Variants in COPB1 observed in about 807,000 individuals in gnomAD.
COPB1 encodes the protein coat protein complex I subunit beta 1.
In COPB1, 21 loss-of-function variants were observed where a neutral mutation model predicts 108.7. The ratio of observed to expected loss-of-function variants is 0.19; its 90% CI spans 0.14 to 0.28. COPB1 has a LOEUF of 0.28. COPB1 is among the 10% of genes least tolerant of loss of function. The pLI is 1.00. For synonymous variants in COPB1, 378 were observed against 386.8 expected, an observed-to-expected ratio of 0.98 and a Z score of 0.27; for missense variants, 919 against 1,141.3, an observed-to-expected ratio of 0.81 and a Z score of 2.81.
intron 4 of COPB1, among the ~76,000 whole-genome samples, chr11:14,492,995 A>G (rs1188244804): frequency 1.3e-5 from 2 of 151,976 alleles, no homozygotes; most frequent in Non-Finnish European, 2.9e-5. Context: ...AAAATACAAA[A>G]ATTGGCTGGG....
intron 8 of COPB1, among the ~76,000 whole-genome samples, chr11:14,481,536 T>C (rs760400427): frequency 1.3e-5 from 2 of 152,142 alleles, no homozygotes; most frequent in African/African-American, 2.4e-5. Flanking sequence ...ATACGATACA[T>C]GGTCACAAAA....
At chr11:14,470,185 T>A (rs553683990) in intron 14 of COPB1, among the ~76,000 whole-genome samples, 1 of 152,368 alleles carries the variant, frequency 6.6e-6, no homozygotes, top group Non-Finnish European at 1.5e-5. Flanking sequence ...TTATCCCTCT[T>A]AATCTAGACC....
chr11:14,466,509 A>G, intron 16 of COPB1, 83 bp from the exon 17 acceptor site: 4 of 1,408,738 alleles, frequency 2.8e-6, no homozygotes, highest in Admixed American at 3.9e-5. Flanking sequence ...TAAGTCTGGT[A>G]GGTTATTAAC....
chr11:14,483,219 G>A (rs921293055), intron 7 of COPB1, 68 bp from the exon 8 acceptor site: 13 of 1,037,134 alleles, frequency 1.3e-5, no homozygotes, highest in African/African-American at 9.3e-5. Context: ...ATAAGCATGC[G>A]CGCGCACACC....
intron 4 of COPB1, among the ~76,000 whole-genome samples, chr11:14,492,583 T>C (rs1273177012): frequency 6.6e-6 from 1 of 152,018 alleles, no homozygotes; most frequent in Non-Finnish European, 1.5e-5. Context: ...CCTCAGGTTA[T>C]CGGCCCGCCT....
chr11:14,490,775 T>G (rs1850880494), intron 4 of COPB1, 96 bp from the exon 5 acceptor site: 1 of 672,382 alleles, frequency 1.5e-6, no homozygotes, highest in Non-Finnish European at 2.5e-6. Context: ...TTAATCAAAC[T>G]TTACAACATA....
At position 14,483,144 on chromosome 11, in the gene COPB1, GC is replaced by G; in HGVS notation, c.844del (p.Ala282LeufsTer7). The G allele has an allele frequency of 6.5e-7, 1 of 1,543,106 alleles. No individual in the cohort carries two copies. Among genetic ancestry groups the G allele is most frequent in the Non-Finnish European group, 8.8e-7 (1 of 1,137,272 alleles). On this transcript the variant is annotated frameshift_variant, in exon 8 of 22. Transcript: ENST00000439561. LOFTEE classifies it high-confidence loss of function. ...AATAATTAAATCAATGTAACACTGA[GC>G]AGCAGCCTATATAAAAAAAGAAATA... ...SSAPTAIKAA[A>X]QCYIDLIIKE...
At chr11:14,470,944 A>ACACACT (rs1285522756) in intron 14 of COPB1, among the ~76,000 whole-genome samples, 1,588 of 89,932 alleles carry the variant, frequency 0.018, 10 homozygotes, top group Non-Finnish European at 0.023. Flanking sequence ...ACACACACAC[A>ACACACT]CTCTCTCTCT....
In COPB1 at chr11:14,464,605, A is replaced by AT. The variant is rs980798786; in HGVS notation, c.2410+305dup. The stretch of plus-strand genomic sequence containing the variant: ...TTATAAAGCCTTCCACACTGTTAGC[A>AT]TTTTTTTTTTCCCTAACCTCAAAGC... On this transcript the variant is annotated intron_variant, in intron 18 of 21. Coordinates refer to ENST00000439561, the MANE Select transcript of COPB1 (RefSeq NM_001144061.2). 1.1e-3 allele frequency among the ~76,000 whole-genome samples: 159 copies of AT among 149,838 alleles called. 1 individual carries two copies. Among genetic ancestry groups the AT allele is most frequent in the African/African-American group, 3.6e-3 (149 of 40,936 alleles).
chr11:14,469,428 G>A lies in COPB1; in HGVS notation c.1873C>T (p.Pro625Ser), dbSNP rs144780995. Residue 625 changes from proline (P) to serine (S), a missense_variant, in exon 15 of 22, where the codon CCT becomes TCT. Coordinates refer to ENST00000439561, the MANE Select transcript of COPB1 (RefSeq NM_001144061.2). ...TTATTGAAAATGTCATTCATTAAAGGTGAACATTCAGACAAGACCTTGAGG... is the reference window on the plus strand; with the variant it reads ...TTATTGAAAATGTCATTCATTAAAGATGAACATTCAGACAAGACCTTGAGG... ...LCLKVLSECS[P>S]LMNDIFNKEC... 9.9e-6 allele frequency: 16 copies of A among 1,614,018 alleles called. No individual in the cohort carries two copies. The highest frequency in any genetic ancestry group is 1.1e-5 in the Non-Finnish European group (13 of 1,180,008).
At chr11:14,458,770 T>TC (rs1300538135) in intron 20 of COPB1, 83 bp from the exon 21 acceptor site, 4 of 1,337,840 alleles carry the variant, frequency 3.0e-6, no homozygotes, top group Non-Finnish European at 3.0e-6. Flanking sequence ...TGACTTTTTT[T>TC]TTTTTTTTTT....
intron 2 of COPB1, among the ~76,000 whole-genome samples, chr11:14,497,142 GAAT>G (rs1453464541): frequency 6.6e-6 from 1 of 152,058 alleles, no homozygotes; most frequent in African/African-American, 2.4e-5. Flanking sequence ...AAAATTTCTT[GAAT>G]AATACCCCAC....
In COPB1 at chr11:14,479,571, G is replaced by C. The variant is rs1221485031; in HGVS notation, c.1356C>G (p.Val452=). Residue 452 remains valine, a splice_region_variant and synonymous_variant, in exon 11 of 22, where the codon GTC becomes GTG. Transcript: ENST00000439561. ...MLEVFHAIKS[V]KIYRGALWIL... is the part of the protein sequence containing the mutation. The stretch of plus-strand genomic sequence containing the variant: ...ATTTAAATGTATTTTAAACCTACTT[G>C]ACAGATTTAATAGCATGAAAGACTT... 1 of 1,600,480 alleles carries C rather than the reference G, an allele frequency of 6.2e-7. No homozygotes were observed. The highest frequency in any genetic ancestry group is 1.3e-5 in the African/African-American group (1 of 74,130).
intron 2 of COPB1, among the ~76,000 whole-genome samples, chr11:14,497,522 T>C (rs1335299128): frequency 6.6e-6 from 1 of 152,088 alleles, no homozygotes; most frequent in Non-Finnish European, 1.5e-5. Context: ...ATGGCTTTTA[T>C]CCAAAAGACA....
intron 7 of COPB1, among the ~76,000 whole-genome samples, chr11:14,485,973 T>C (rs1171041169): frequency 1.3e-5 from 2 of 152,156 alleles, no homozygotes; most frequent in South Asian, 2.1e-4. Flanking sequence ...TAAGAGGAAG[T>C]AGATCATCAT....
intron 14 of COPB1, chr11:14,473,990 T>C (rs1850464535): frequency 6.6e-6 from 1 of 152,396 alleles, no homozygotes; most frequent in Admixed American, 6.5e-5. Flanking sequence ...TTTCAATCCA[T>C]AGTTGGTTGA....
intron 14 of COPB1, among the ~76,000 whole-genome samples, chr11:14,471,530 T>A (rs1850402119): frequency 6.6e-6 from 1 of 152,196 alleles, no homozygotes; most frequent in South Asian, 2.1e-4. Context: ...AAATAAATTA[T>A]TGCTCAAAAA....
At chr11:14,464,781 TAG>T (rs1850244407) in intron 18 of COPB1, 128 bp downstream of exon 18, 1 of 988,788 alleles carries the variant, frequency 1.0e-6, no homozygotes, top group Non-Finnish European at 1.5e-6. Context: ...CGTGGTACCA[TAG>T]AGAGTATCTC....
intron 7 of COPB1, among the ~76,000 whole-genome samples, chr11:14,484,613 G>A (rs960199270): frequency 2.6e-5 from 4 of 152,184 alleles, no homozygotes; most frequent in Non-Finnish European, 4.4e-5. Flanking sequence ...AGCTACTCAG[G>A]AGGCTGAGGC....
Sources: gnomAD v4.1 joint callset for allele counts (sites outside exome capture counted in the v4.1 genomes callset) on GRCh38, gnomAD v4.1.1 for gene constraint, MANE v1.5 for transcripts, NCBI Gene and HGNC (gene_info 2026-07-23, HGNC 2026-07-21) for gene names.